ALDH16A1: variants seen among roughly 807,000 people sequenced by gnomAD.
The protein encoded by ALDH16A1 is aldehyde dehydrogenase family 16 member A1.
In ALDH16A1, 88 loss-of-function variants were observed where a neutral mutation model predicts 96.1. The observed-to-expected ratio is 0.92, with a 90% CI of 0.77 to 1.09. The LOEUF (loss-of-function observed/expected upper bound fraction) is 1.09, where lower values mean the gene tolerates loss of function less well. Ranked by LOEUF, ALDH16A1 falls within the 50% of genes least tolerant of loss-of-function variation. The pLI, the probability that ALDH16A1 is intolerant of heterozygous loss-of-function variation, is 0.00. For synonymous variants in ALDH16A1, 522 were observed against 496.4 expected (o/e 1.05, Z -0.69); for missense variants, 1,250 against 1,112.6 (o/e 1.12, Z -1.76).
chr19:49,454,020 G>GTTTTTTTTGTGTT (rs1568645951), intron 1 of ALDH16A1, among the ~76,000 whole-genome samples: 1 of 68,250 alleles, frequency 1.5e-5, no homozygotes. Context: ...TTTGGGTTGG[G>GTTTTTTTTGTGTT]TTTTTTTTTT....
chr19:49,464,223 T>C lies in ALDH16A1; in HGVS notation c.1291T>C (p.Trp431Arg). ...GCCCCGCGGGGGCAGCGCCAGTGTG[T>C]GGAGCGAGAGGCTGGGGCAGGCGCT... ...GTPRGGSASV[W>R]SERLGQALEL... is the part of the protein sequence containing the mutation. Residue 431 changes from tryptophan (W) to arginine (R), a missense_variant, in exon 10 of 17, where the codon TGG becomes CGG. Trp to Arg is a moderately radical substitution (Grantham distance 101). Coordinates refer to ENST00000293350, the MANE Select transcript of ALDH16A1 (RefSeq NM_153329.4). The C allele has an allele frequency of 6.2e-7, 1 of 1,604,972 alleles. No homozygotes were observed. The highest frequency in any genetic ancestry group is 8.5e-7 in the Non-Finnish European group (1 of 1,179,452).
chr19:49,466,019 G>A, intron 13 of ALDH16A1, 63 bp from the exon 14 acceptor site: 1 of 1,538,286 alleles, frequency 6.5e-7, no homozygotes, highest in Non-Finnish European at 8.8e-7. Context: ...TGTGGACAGA[G>A]GTGGGGTGTC....
chr19:49,464,144 C>G lies in ALDH16A1; in HGVS notation c.1212C>G (p.Val404=). The change falls in exon 10 of 17, where the codon GTC becomes GTG. Residue 404 remains valine, a synonymous_variant. Coordinates refer to ENST00000293350, the MANE Select transcript of ALDH16A1 (RefSeq NM_153329.4). ...CCTTGCAGGTGCCGTGGCCTGTGGTCGTGGCCTCCCCCTTCCGCACAGCCA... is the reference window on the plus strand; with the variant it reads ...CCTTGCAGGTGCCGTGGCCTGTGGTGGTGGCCTCCCCCTTCCGCACAGCCA... ...CAQVEVPWPV[V]VASPFRTAKE... is the part of the protein sequence containing the mutation. 1 of 1,608,498 alleles carries G rather than the reference C, an allele frequency of 6.2e-7. No homozygotes were observed. The highest frequency in any genetic ancestry group is 8.5e-7 in the Non-Finnish European group (1 of 1,179,296).
chr19:49,470,530 C>A lies in ALDH16A1; in HGVS notation c.*63C>A. On this transcript the variant is annotated 3_prime_UTR_variant, in exon 17 of 17. Coordinates refer to ENST00000293350, the MANE Select transcript of ALDH16A1 (RefSeq NM_153329.4). The stretch of plus-strand genomic sequence containing the variant: ...ACCAAGGGGAGATGCACCCCACAGA[C>A]ACCTGGGACTTTCCCCTTCTGGTTC... 2 of 1,419,030 alleles carry A rather than the reference C, an allele frequency of 1.4e-6. No homozygotes were observed. Among genetic ancestry groups the A allele is most frequent in the Non-Finnish European group, 1.8e-6 (2 of 1,082,698 alleles). 87.9% of individuals were successfully genotyped at this position (1,419,030 alleles called of 1,614,324 possible).
Position 49,459,959 on chromosome 19 carries a change from G to A in ALDH16A1, c.499+111G>A, listed in dbSNP as rs772180770. ...GAGTTTCGCTCTTGTCGCCCAGGCC[G>A]GAGTGCAGTGGCGCAATCTTGGCTC... On this transcript the variant is annotated intron_variant, in intron 4 of 16. Transcript: ENST00000293350. This position sits in a 1 kb window ranked among gnomAD's most constrained non-coding sequence, Gnocchi z 4.1. 4.8e-5 allele frequency: 62 copies of A among 1,289,296 alleles called. 3 individuals carry two copies. In the Middle Eastern group the frequency reaches 1.4e-3, roughly 28 times the overall value. The allele number at this position is 1,289,296 out of a possible 1,614,324, so 79.9% of individuals were successfully genotyped here.
chr19:49,457,698 C>T (rs904735599), intron 1 of ALDH16A1, among the ~76,000 whole-genome samples: 3 of 151,830 alleles, frequency 2.0e-5, no homozygotes, highest in Non-Finnish European at 4.4e-5. Context: ...CAGCCTCTAC[C>T]TCCTGGGCTC....
chr19:49,470,214 C>T (rs2079233395), intron 16 of ALDH16A1, 92 bp from the exon 17 acceptor site: 2 of 1,479,548 alleles, frequency 1.4e-6, no homozygotes, highest in Admixed American at 3.7e-5. Flanking sequence ...CAGCCTGAAG[C>T]CCCTCGTCAG....
intron 1 of ALDH16A1, among the ~76,000 whole-genome samples, chr19:49,455,789 T>C (rs1601016025): frequency 1.3e-5 from 2 of 152,276 alleles, no homozygotes. Context: ...AGTCCTTGCA[T>C]TTCAGACCCG....
Position 49,468,870 on chromosome 19 carries a change from G to A in ALDH16A1, c.2131G>A (p.Ala711Thr), listed in dbSNP as rs768277991. The A allele has an allele frequency of 6.2e-7, 1 of 1,613,436 alleles. No individual in the cohort carries two copies. The highest frequency in any genetic ancestry group is 2.2e-5 in the East Asian group (1 of 44,858). ...CACTCTCTCTATCCCCTAGGACATG[G>A]CCACCGTGTTCCCAGCAGGCCTGGC... ...LLALEVCQDMATVFPAGLANV... is the reference protein window; with the variant it reads ...LLALEVCQDMTTVFPAGLANV... Residue 711 changes from alanine to threonine, a missense_variant, in exon 16 of 17, where the codon GCC (alanine) becomes ACC (threonine). Physicochemically the swap from Ala to Thr is moderately conservative, Grantham distance 58. Transcript: ENST00000293350. The surrounding 1 kb of genome is among the most constrained non-coding windows in gnomAD (Gnocchi z 4.4).
intron 11 of ALDH16A1, 48 bp from the exon 12 acceptor site, chr19:49,464,584 C>T: frequency 2.5e-6 from 4 of 1,613,390 alleles, no homozygotes; most frequent in Non-Finnish European, 3.4e-6. Flanking sequence ...ACACTCGCAT[C>T]CGGCCTCGCG....
chr19:49,470,167 G>T, intron 16 of ALDH16A1, 139 bp from the exon 17 acceptor site: 2 of 1,013,722 alleles, frequency 2.0e-6, no homozygotes, highest in African/African-American at 1.6e-5. Context: ...AGTTCTGCTT[G>T]GGAGGAGCTG....
rs1302672559 is a variant in ALDH16A1, at chr19:49,459,698, C to T, written c.349C>T (p.Arg117Trp). The stretch of plus-strand genomic sequence containing the variant: ...GGCCGAGGTGATCCAGAAGCACCAG[C>T]GGCTGCTGTGGACCCTGGAATCCCT... The part of the protein sequence containing the change: ...RLAEVIQKHQ[R>W]LLWTLESLVT... Residue 117 changes from arginine (R) to tryptophan (W), a missense_variant, in exon 4 of 17, where the codon CGG (arginine) becomes TGG (tryptophan). Arg to Trp is a moderately radical substitution (Grantham distance 101, BLOSUM62 -3). Transcript: ENST00000293350. This position sits in a 1 kb window ranked among gnomAD's most constrained non-coding sequence, Gnocchi z 4.1. 15 of 1,608,224 alleles carry T rather than the reference C, an allele frequency of 9.3e-6. No homozygotes were observed. Among genetic ancestry groups the T allele is most frequent in the Admixed American group, 3.4e-5 (2 of 58,454 alleles).
chr19:49,468,172 A>AG lies in ALDH16A1; in HGVS notation c.1939-209_1939-208insG. 1.8e-6 allele frequency: 1 copy of AG among 543,184 alleles called. No homozygotes were observed. The highest frequency in any genetic ancestry group is 3.3e-5 in the Admixed American group (1 of 30,136). 33.6% of individuals were successfully genotyped at this position (543,184 alleles called of 1,614,324 possible). On this transcript the variant is annotated intron_variant, in intron 14 of 16. Coordinates refer to ENST00000293350, the MANE Select transcript of ALDH16A1 (RefSeq NM_153329.4). The surrounding 1 kb of genome is among the most constrained non-coding windows in gnomAD (Gnocchi z 4.4). ...GAGAGTCCGTCTCAAAAAAAAAAAA[A>AG]AAGAAAGGCGGTTATGCAGGATGTT...
At chr19:49,466,839 G>C (rs2079203345) in intron 14 of ALDH16A1, among the ~76,000 whole-genome samples, 1 of 151,604 alleles carries the variant, frequency 6.6e-6, no homozygotes, top group Non-Finnish European at 1.5e-5. Flanking sequence ...CAGCCTGAGT[G>C]ACAGAGTGAG....
chr19:49,460,752 G>T, intron 4 of ALDH16A1, 70 bp from the exon 5 acceptor site: 43 of 1,047,136 alleles, frequency 4.1e-5, no homozygotes, highest in Non-Finnish European at 5.5e-5. Flanking sequence ...ATGGGGTCTT[G>T]CCATGTGGCC....
Position 49,470,485 on chromosome 19 carries a change from C to T in ALDH16A1, c.*18C>T. ...GGGACTGATGCCTGAGCGCCACCTA[C>T]TGCATTTTGGACACCTCACACCAAG... On this transcript the variant is annotated 3_prime_UTR_variant, in exon 17 of 17. Coordinates refer to ENST00000293350, the MANE Select transcript of ALDH16A1 (RefSeq NM_153329.4). 1 of 1,532,648 alleles carries T rather than the reference C, an allele frequency of 6.5e-7. No homozygotes were observed. Among genetic ancestry groups the T allele is most frequent in the African/African-American group, 1.4e-5 (1 of 71,996 alleles). 94.9% of individuals were successfully genotyped at this position (1,532,648 alleles called of 1,614,324 possible).
intron 16 of ALDH16A1, 93 bp downstream of exon 16, chr19:49,469,079 C>T: frequency 2.0e-6 from 3 of 1,498,434 alleles, no homozygotes; most frequent in East Asian, 2.3e-5. Context: ...CTTAGAACTC[C>T]TGTTGGTAAG....
chr19:49,464,719 G>T lies in ALDH16A1; in HGVS notation c.1525G>T (p.Ala509Ser). The change falls in exon 12 of 17, where the codon GCT (alanine) becomes TCT (serine). Residue 509 changes from alanine to serine, a missense_variant. Coordinates refer to ENST00000293350, the MANE Select transcript of ALDH16A1 (RefSeq NM_153329.4). ...CCTGAACTATGACACCTTTGGCCTCGCTGTTCCCTCAACCCTGCCGGCTGG... is the reference window on the plus strand; with the variant it reads ...CCTGAACTATGACACCTTTGGCCTCTCTGTTCCCTCAACCCTGCCGGCTGG... ...KNLNYDTFGL[A>S]VPSTLPAGPE... The T allele has an allele frequency of 6.2e-7, 1 of 1,613,574 alleles. No individual in the cohort carries two copies. Among genetic ancestry groups the T allele is most frequent in the Non-Finnish European group, 8.5e-7 (1 of 1,179,502 alleles).
At position 49,466,293 on chromosome 19, in the gene ALDH16A1, C is replaced by T. The variant is rs1438168725; in HGVS notation, c.1938+10C>T. On this transcript the variant is annotated intron_variant, in intron 14 of 16. Coordinates refer to ENST00000293350, the MANE Select transcript of ALDH16A1 (RefSeq NM_153329.4). ...AGGCCACACCCTGCAGGTGAAGGGT[C>T]TGTGGGCACCTGGGCCAGCTGGGCA... The T allele has an allele frequency of 3.5e-6, 5 of 1,432,918 alleles. No individual in the cohort carries two copies. In the Admixed American group the frequency reaches 1.2e-4, roughly 34 times the overall value. 88.8% of individuals were successfully genotyped at this position (1,432,918 alleles called of 1,614,324 possible).
Sources: allele counts gnomAD v4.1 joint callset (sites outside exome capture counted in the v4.1 genomes callset), GRCh38; gene constraint gnomAD v4.1.1; non-coding constraint Gnocchi (gnomAD v3.1); transcripts MANE v1.5; gene names NCBI Gene and HGNC (gene_info 2026-07-23, HGNC 2026-07-21).